LRP1B: variants seen among roughly 807,000 people sequenced by gnomAD.
LRP1B encodes low-density lipoprotein receptor-related protein 1B.
A neutral mutation model predicts 556.6 loss-of-function variants in LRP1B; 217 were observed. The ratio of observed to expected loss-of-function variants is 0.39; its 90% CI spans 0.35 to 0.44. The LOEUF (loss-of-function observed/expected upper bound fraction) is 0.44, where lower values mean the gene tolerates loss of function less well. LRP1B is among the 20% of genes least tolerant of loss of function. The pLI is 1.00. For synonymous variants in LRP1B, 2,047 were observed against 1,865.8 expected, an observed-to-expected ratio of 1.10 and a Z score of -2.50; for missense variants, 5,053 against 5,620.8, an observed-to-expected ratio of 0.90 and a Z score of 3.23.
At chr2:140,382,048 A>T (rs1683529859) in intron 67 of LRP1B, among the ~76,000 whole-genome samples, 1 of 152,142 alleles carries the variant, frequency 6.6e-6, no homozygotes, top group Admixed American at 6.5e-5. Flanking sequence ...TGGCTTTCAA[A>T]ACCATAGAGT....
intron 66 of LRP1B, among the ~76,000 whole-genome samples, chr2:140,424,637 T>C (rs974835887): frequency 6.6e-6 from 1 of 152,216 alleles, no homozygotes; most frequent in Non-Finnish European, 1.5e-5. Context: ...AGAGTACATG[T>C]GTTGCTGTCA....
chr2:141,442,095 A>T (rs1680999693), intron 3 of LRP1B, among the ~76,000 whole-genome samples: 1 of 152,222 alleles, frequency 6.6e-6, no homozygotes, highest in Non-Finnish European at 1.5e-5. Context: ...TTCTAATAAT[A>T]AATTTCATGA....
At chr2:140,795,335 A>C (rs1690265791) in intron 32 of LRP1B, among the ~76,000 whole-genome samples, 1 of 152,172 alleles carries the variant, frequency 6.6e-6, no homozygotes, top group Non-Finnish European at 1.5e-5. Flanking sequence ...CATTTTTGAT[A>C]TATCTATATA....
chr2:141,985,978 C>T (rs893556077), intron 1 of LRP1B, among the ~76,000 whole-genome samples: 28 of 151,760 alleles, frequency 1.8e-4, no homozygotes, highest in African/African-American at 6.3e-4. Context: ...TATTTCATTT[C>T]TTGTGTGTAA....
At chr2:140,987,914 G>T (rs1318226104) in intron 17 of LRP1B, among the ~76,000 whole-genome samples, 1 of 152,010 alleles carries the variant, frequency 6.6e-6, no homozygotes, top group Non-Finnish European at 1.5e-5. Context: ...CACCTGGGAG[G>T]CGAAAGTTGC....
chr2:140,324,239 A>G (rs973896019), intron 80 of LRP1B, among the ~76,000 whole-genome samples, 173 bp from the exon 81 acceptor site: 4 of 152,070 alleles, frequency 2.6e-5, no homozygotes, highest in African/African-American at 9.7e-5. Flanking sequence ...TATCTGAAGT[A>G]AGGATATGCA....
At chr2:141,115,215 A>C (rs1700857913) in intron 7 of LRP1B, among the ~76,000 whole-genome samples, 1 of 151,930 alleles carries the variant, frequency 6.6e-6, no homozygotes, top group Non-Finnish European at 1.5e-5. Flanking sequence ...TATCTTAAAC[A>C]TGGCCTTGTG....
At chr2:141,075,861 AAACTTT>A (rs1699773065) in intron 7 of LRP1B, among the ~76,000 whole-genome samples, 1 of 152,224 alleles carries the variant, frequency 6.6e-6, no homozygotes, top group Non-Finnish European at 1.5e-5. Flanking sequence ...TTGAAAAATG[AAACTTT>A]AACTACAGCA....
intron 20 of LRP1B, among the ~76,000 whole-genome samples, chr2:140,932,112 T>C (rs1365109978): frequency 6.6e-6 from 1 of 152,178 alleles, no homozygotes; most frequent in Non-Finnish European, 1.5e-5. Flanking sequence ...CATAAGCACA[T>C]ACTTATGAGA....
chr2:141,381,794 T>C (rs1234415427), intron 3 of LRP1B, among the ~76,000 whole-genome samples: 1 of 152,122 alleles, frequency 6.6e-6, no homozygotes, highest in Non-Finnish European at 1.5e-5. Context: ...GCATGGGAAA[T>C]CTGTCCTTCA....
intron 2 of LRP1B, among the ~76,000 whole-genome samples, chr2:141,509,501 A>C (rs1297455490): frequency 1.3e-5 from 2 of 152,178 alleles, no homozygotes; most frequent in Admixed American, 6.6e-5. Flanking sequence ...TGTAAGTTTA[A>C]ATCTTCTTTT....
chr2:141,578,128 C>T (rs1449754537), intron 2 of LRP1B, among the ~76,000 whole-genome samples: 1 of 152,032 alleles, frequency 6.6e-6, no homozygotes, highest in Non-Finnish European at 1.5e-5. Flanking sequence ...GGGCGCAGTG[C>T]CTCATGCCTG....
intron 1 of LRP1B, among the ~76,000 whole-genome samples, chr2:141,921,279 A>G (rs2104973682): frequency 6.6e-6 from 1 of 152,176 alleles, no homozygotes; most frequent in Middle Eastern, 3.4e-3. Flanking sequence ...CAAAAAATTT[A>G]GTGAGAATCT....
chr2:141,254,428 A>G, intron 4 of LRP1B, 94 bp downstream of exon 4: 1 of 1,244,942 alleles, frequency 8.0e-7, no homozygotes, highest in Non-Finnish European at 1.2e-6. Flanking sequence ...TAAACACTGT[A>G]GAGCACATGG....
intron 41 of LRP1B, among the ~76,000 whole-genome samples, chr2:140,665,115 G>A (rs1199534926): frequency 6.6e-6 from 1 of 152,144 alleles, no homozygotes; most frequent in East Asian, 1.9e-4. Context: ...AGAATAGCAA[G>A]AAAGTTTGTT....
intron 3 of LRP1B, among the ~76,000 whole-genome samples, chr2:141,427,444 A>T (rs1483062705): frequency 2.6e-5 from 4 of 152,196 alleles, no homozygotes. Flanking sequence ...TATGGATTTG[A>T]TCATGCTGTC....
At chr2:140,547,593 T>G (rs1440068825) in intron 43 of LRP1B, among the ~76,000 whole-genome samples, 1 of 152,092 alleles carries the variant, frequency 6.6e-6, no homozygotes, top group Non-Finnish European at 1.5e-5. Flanking sequence ...TAATTTTTTT[T>G]TCAGAAAACC....
chr2:140,529,987 A>G (rs13002524), intron 47 of LRP1B, among the ~76,000 whole-genome samples: 71,426 of 151,792 alleles, frequency 0.47, 17,353 homozygotes, highest in South Asian at 0.59. Flanking sequence ...CTTTTCCCCA[A>G]AAAGAGAAGA....
At chr2:140,450,309 C>A (rs752465377) in intron 63 of LRP1B, among the ~76,000 whole-genome samples, 1 of 151,980 alleles carries the variant, frequency 6.6e-6, no homozygotes, top group Admixed American at 6.6e-5. Flanking sequence ...CATTATTCCA[C>A]AAGTAATCAA....
Sources: gnomAD v4.1 joint callset for allele counts (sites outside exome capture counted in the v4.1 genomes callset) on GRCh38, gnomAD v4.1.1 for gene constraint, MANE v1.5 for transcripts, NCBI Gene and HGNC (gene_info 2026-07-23, HGNC 2026-07-21) for gene names.